HIRA: variants seen among roughly 807,000 people sequenced by gnomAD.
HIRA encodes histone cell cycle regulator, also known as protein HIRA.
HIRA carries 13 observed loss-of-function variants against 126.6 expected under a neutral mutation model. The ratio of observed to expected loss-of-function variants is 0.10; its 90% confidence interval spans 0.07 to 0.16. The LOEUF (loss-of-function observed/expected upper bound fraction) is 0.16. Among genes scored for constraint, HIRA ranks in the 10% least tolerant of loss-of-function variants. HIRA has a pLI of 1.00. For missense variants in HIRA, 834 were observed against 1,314.4 expected (o/e 0.63, Z 5.65); for synonymous variants, 511 against 520.0 (o/e 0.98, Z 0.24).
At chr22:19,332,596 A>T (rs1050012025) in intron 24 of HIRA, among the ~76,000 whole-genome samples, 30 of 152,092 alleles carry the variant, frequency 2.0e-4, no homozygotes, top group Non-Finnish European at 8.8e-5. Flanking sequence ...AATTAAGTGA[A>T]ATTAAAAATG....
intron 12 of HIRA, among the ~76,000 whole-genome samples, chr22:19,384,399 A>G (rs1226820748): frequency 6.6e-6 from 1 of 151,720 alleles, no homozygotes; most frequent in Non-Finnish European, 1.5e-5. Context: ...TAATTTGTAC[A>G]CACTAAGTAT....
Position 19,396,780 on chromosome 22 carries a change from C to T in HIRA, c.654+7G>A, listed in dbSNP as rs1344255264. On this transcript the variant is annotated splice_region_variant and intron_variant, in intron 7 of 24. Transcript: ENST00000263208. ...GGGGCTCAGCTCCCTGAGCTGTCCC[C>T]ACTTACCTCATCAAAAGGCTTGGTG... The T allele has an allele frequency of 1.9e-5, 30 of 1,613,700 alleles. No individual in the cohort carries two copies. The highest frequency in any genetic ancestry group is 2.5e-5 in the Non-Finnish European group (30 of 1,179,954).
At chr22:19,352,951 T>G (rs1326685684) in intron 23 of HIRA, among the ~76,000 whole-genome samples, 1 of 152,210 alleles carries the variant, frequency 6.6e-6, no homozygotes, top group Non-Finnish European at 1.5e-5. Context: ...GTGCAGGACA[T>G]CAGGCAAGCC....
chr22:19,399,054 G>A, intron 5 of HIRA: 2 of 846,046 alleles, frequency 2.4e-6, no homozygotes, highest in Middle Eastern at 6.0e-4. Flanking sequence ...GTGATAAACT[G>A]CTGCAACACC....
At chr22:19,334,251 A>G (rs1024110630) in intron 24 of HIRA, among the ~76,000 whole-genome samples, 4 of 150,726 alleles carry the variant, frequency 2.7e-5, no homozygotes, top group Non-Finnish European at 5.9e-5. Flanking sequence ...CTGGGATTAC[A>G]GGCATGAGCC....
At chr22:19,391,872 G>A (rs1267720567) in intron 9 of HIRA, among the ~76,000 whole-genome samples, 1 of 152,212 alleles carries the variant, frequency 6.6e-6, no homozygotes, top group Non-Finnish European at 1.5e-5. Flanking sequence ...ACAAGAGCTG[G>A]TCTAGGTGGG....
chr22:19,398,265 AC>A (rs1448719615), intron 5 of HIRA, among the ~76,000 whole-genome samples, 178 bp from the exon 6 acceptor site: 1 of 151,982 alleles, frequency 6.6e-6, no homozygotes, highest in Non-Finnish European at 1.5e-5. Context: ...CATCTAACCG[AC>A]CCCAGTGCCT....
In HIRA at chr22:19,385,588, C is replaced by A; in HGVS notation, c.1262G>T (p.Arg421Met). The change falls in exon 12 of 25, where the codon AGG becomes ATG. Residue 421 changes from arginine to methionine, a missense_variant. Transcript: ENST00000263208. ...GACTGAGGTGGCTGAGCCCATCTCC[C>A]TGGTCGCAGCACTCTTCTGGTCCAG... is the stretch of plus-strand genomic sequence containing the variant. ...QQLDQKSAAT[R>M]EMGSATSVAG... 1 of 1,614,206 alleles carries A rather than the reference C, an allele frequency of 6.2e-7. No homozygotes were observed.
At chr22:19,396,709 C>A in intron 7 of HIRA, 78 bp downstream of exon 7, 1 of 1,498,374 alleles carries the variant, frequency 6.7e-7, no homozygotes, top group South Asian at 1.2e-5. Context: ...CCATGGCCAG[C>A]TCCCTCTCTG....
At position 19,377,943 on chromosome 22, in the gene HIRA, G is replaced by A. The variant is rs200067386; in HGVS notation, c.1539C>T (p.Gly513=). 1.3e-4 allele frequency: 214 copies of A among 1,613,958 alleles called. No homozygotes were observed. The highest frequency in any genetic ancestry group is 1.2e-3 in the Admixed American group (71 of 59,994). Residue 513 remains glycine (G), a synonymous_variant, in exon 14 of 25, where the codon GGC becomes GGT. Coordinates refer to ENST00000263208, the MANE Select transcript of HIRA (RefSeq NM_003325.4). ...PLDSSTPNSF[G]ASKPCTEPVV... ...CAGGCTCTGTGCAAGGCTTCGAGGC[G>A]CCGAAGGAGTTAGGGGTACTGGAGT...
At chr22:19,372,049 T>C (rs1042294081) in intron 15 of HIRA, among the ~76,000 whole-genome samples, 4 of 152,230 alleles carry the variant, frequency 2.6e-5, no homozygotes, top group Admixed American at 2.0e-4. Flanking sequence ...CAGACTGTTT[T>C]CCAAAGGTGC....
chr22:19,425,201 A>G (rs1305659825), intron 1 of HIRA, among the ~76,000 whole-genome samples: 2 of 152,200 alleles, frequency 1.3e-5, no homozygotes, highest in African/African-American at 4.8e-5. Flanking sequence ...GCAACCCTAC[A>G]ATATTTGCAA....
rs2089540792 is a variant in HIRA, at chr22:19,431,636, C to T, written c.-160G>A. On this transcript the variant is annotated 5_prime_UTR_variant, in exon 1 of 25. Coordinates refer to ENST00000263208, the MANE Select transcript of HIRA (RefSeq NM_003325.4). The stretch of plus-strand genomic sequence containing the variant: ...GCCGCGCCATCGCCGGCCCGCGCCC[C>T]CCTCCGCCGCCACAGCCGCCACCCG... 1 of 684,182 alleles carries T rather than the reference C, an allele frequency of 1.5e-6. No homozygotes were observed. Among genetic ancestry groups the T allele is most frequent in the East Asian group, 7.2e-5 (1 of 13,862 alleles). The allele number at this position is 684,182 out of a possible 1,614,324, so 42.4% of individuals were successfully genotyped here.
rs1346177136 is a variant in HIRA, at chr22:19,410,726, A to T, written c.90T>A (p.Thr30=). 6.2e-7 allele frequency: 1 copy of T among 1,613,650 alleles called. No homozygotes were observed. The highest frequency in any genetic ancestry group is 8.5e-7 in the Non-Finnish European group (1 of 1,179,614). Residue 30 remains threonine, a synonymous_variant, in exon 2 of 25, where the codon ACT becomes ACA. Coordinates refer to ENST00000263208, the MANE Select transcript of HIRA (RefSeq NM_003325.4). ...ATTCCATAAACATACCTTGTCCTCCAGTTGCGAACTTGGTCCCGTCAGGGT... is the reference window on the plus strand; with the variant it reads ...ATTCCATAAACATACCTTGTCCTCCTGTTGCGAACTTGGTCCCGTCAGGGT... ...DIHPDGTKFA[T]GGQGQDSGKV...
chr22:19,357,939 T>C (rs2088828419), intron 18 of HIRA, among the ~76,000 whole-genome samples: 1 of 152,086 alleles, frequency 6.6e-6, no homozygotes, highest in Admixed American at 6.6e-5. Context: ...ACTTGGAGAG[T>C]ATGAATCAGA....
At chr22:19,375,016 G>T (rs1002453398) in intron 15 of HIRA, among the ~76,000 whole-genome samples, 1 of 152,210 alleles carries the variant, frequency 6.6e-6, no homozygotes, top group Non-Finnish European at 1.5e-5. Context: ...AATGGCAGAG[G>T]CTGCAGACAT....
chr22:19,397,859 T>C (rs2089236007), intron 6 of HIRA, 133 bp downstream of exon 6: 1 of 600,000 alleles, frequency 1.7e-6, no homozygotes. Flanking sequence ...AAAGAAAAAC[T>C]GACAAGACAC....
intron 9 of HIRA, among the ~76,000 whole-genome samples, chr22:19,390,204 T>G (rs2089165609): frequency 6.6e-6 from 1 of 152,062 alleles, no homozygotes; most frequent in Admixed American, 6.6e-5. Context: ...TTCTTACCCT[T>G]GGGTTCTCAC....
intron 15 of HIRA, among the ~76,000 whole-genome samples, chr22:19,367,882 G>A (rs766846578): frequency 4.6e-5 from 7 of 152,106 alleles, no homozygotes; most frequent in Non-Finnish European, 8.8e-5. Context: ...ACAGAGGGGC[G>A]CCTGTACTTT....
Sources: allele counts gnomAD v4.1 joint callset (sites outside exome capture counted in the v4.1 genomes callset), GRCh38; gene constraint gnomAD v4.1.1; transcripts MANE v1.5; gene names NCBI Gene and HGNC (gene_info 2026-07-23, HGNC 2026-07-21).